Variants in SNAP25 observed in about 807,000 individuals in gnomAD.
SNAP25 encodes synaptosome associated protein 25.
Under a neutral mutation model 28.7 loss-of-function variants are expected in SNAP25, and 3 were observed. That is an observed-to-expected ratio of 0.10 (90% confidence interval 0.05 to 0.27). The LOEUF is 0.27. SNAP25 is among the 10% of genes least tolerant of loss of function. The pLI, the probability that SNAP25 is intolerant of heterozygous loss-of-function variation, is 1.00. For synonymous variants in SNAP25, 61 were observed against 88.1 expected (o/e 0.69, Z 1.72); for missense variants, 117 against 278.7 (o/e 0.42, Z 4.13).
At chr20:10,264,082 CAG>C (rs1311259163) in intron 1 of SNAP25, among the ~76,000 whole-genome samples, 1 of 152,104 alleles carries the variant, frequency 6.6e-6, no homozygotes, top group Non-Finnish European at 1.5e-5. Context: ...TAGGCATAAT[CAG>C]TGTTGGTTGT....
intron 5 of SNAP25, chr20:10,296,530 T>G (rs573240775): frequency 4.7e-6 from 1 of 214,426 alleles, no homozygotes; most frequent in South Asian, 6.6e-5. Flanking sequence ...ACACTCTACT[T>G]GGCAGTCTTG....
intron 3 of SNAP25, among the ~76,000 whole-genome samples, chr20:10,278,841 G>A (rs1056762089): frequency 6.1e-5 from 9 of 147,922 alleles, no homozygotes; most frequent in Non-Finnish European, 1.3e-4. Context: ...CTAGGAATGA[G>A]ATATGGCTAA....
intron 1 of SNAP25, among the ~76,000 whole-genome samples, chr20:10,232,959 A>T (rs916375571): frequency 6.6e-6 from 1 of 152,176 alleles, no homozygotes; most frequent in African/African-American, 2.4e-5. Flanking sequence ...ATAAAAATAA[A>T]CTTAACCTTG....
At chr20:10,255,584 T>G (rs1404422073) in intron 1 of SNAP25, among the ~76,000 whole-genome samples, 2 of 152,178 alleles carry the variant, frequency 1.3e-5, no homozygotes, top group African/African-American at 2.4e-5. Flanking sequence ...AGAAAGCTAA[T>G]AAAGAGTACA....
chr20:10,251,769 T>G (rs934488160), intron 1 of SNAP25, among the ~76,000 whole-genome samples: 1 of 152,174 alleles, frequency 6.6e-6, no homozygotes, highest in African/African-American at 2.4e-5. Context: ...AGGTTCTAGG[T>G]AAATGAACTA....
Position 10,299,421 on chromosome 20 carries a change from G to C in SNAP25, c.552+9G>C. 5.0e-6 allele frequency: 8 copies of C among 1,610,562 alleles called. No homozygotes were observed. Among genetic ancestry groups the C allele is most frequent in the Non-Finnish European group, 5.9e-6 (7 of 1,177,536 alleles). ...ACAGGATCATGGAGAAGGTGAGCACGTGGCAGTCAGCAAGTCCCTACTGCG... is the reference window on the plus strand; with the variant it reads ...ACAGGATCATGGAGAAGGTGAGCACCTGGCAGTCAGCAAGTCCCTACTGCG... On this transcript the variant is annotated intron_variant, in intron 7 of 7. Coordinates refer to ENST00000254976, the MANE Select transcript of SNAP25 (RefSeq NM_130811.4).
chr20:10,251,859 C>G (rs2063235045), intron 1 of SNAP25, among the ~76,000 whole-genome samples: 1 of 152,154 alleles, frequency 6.6e-6, no homozygotes, highest in Admixed American at 6.5e-5. Flanking sequence ...ATTTGTGCAG[C>G]TACAGAAAAG....
chr20:10,224,066 T>A (rs937607698), intron 1 of SNAP25, among the ~76,000 whole-genome samples: 2 of 152,104 alleles, frequency 1.3e-5, no homozygotes, highest in Non-Finnish European at 2.9e-5. Flanking sequence ...CAGATTACTA[T>A]TATTATTTCC....
At chr20:10,274,024 C>G (rs1054349748) in intron 1 of SNAP25, among the ~76,000 whole-genome samples, 1 of 152,084 alleles carries the variant, frequency 6.6e-6, no homozygotes, top group African/African-American at 2.4e-5. Flanking sequence ...TTGCTTGCAT[C>G]TCCCCAATTA....
chr20:10,233,627 C>A (rs982005791), intron 1 of SNAP25, among the ~76,000 whole-genome samples: 1 of 152,144 alleles, frequency 6.6e-6, no homozygotes, highest in Non-Finnish European at 1.5e-5. Context: ...CATACAGACC[C>A]GAGAACTAGA....
At chr20:10,244,709 TTTTG>T (rs2063095707) in intron 1 of SNAP25, among the ~76,000 whole-genome samples, 1 of 151,864 alleles carries the variant, frequency 6.6e-6, no homozygotes, top group Non-Finnish European at 1.5e-5. Context: ...GCTAAATCTT[TTTTG>T]TTTCTTTCTT....
chr20:10,238,373 A>G (rs1054289233), intron 1 of SNAP25, among the ~76,000 whole-genome samples: 28 of 152,300 alleles, frequency 1.8e-4, no homozygotes, highest in African/African-American at 6.3e-4. Flanking sequence ...TAATATTTTA[A>G]AACTAAGATA....
intron 1 of SNAP25, among the ~76,000 whole-genome samples, chr20:10,253,639 C>A (rs189168509): frequency 1.8e-4 from 27 of 152,096 alleles, no homozygotes; most frequent in Non-Finnish European, 3.5e-4. Context: ...ATTCAGCAAG[C>A]CTGAGGAGTG....
At chr20:10,267,997 A>G (rs2063533220) in intron 1 of SNAP25, among the ~76,000 whole-genome samples, 1 of 152,228 alleles carries the variant, frequency 6.6e-6, no homozygotes, top group South Asian at 2.1e-4. Context: ...AGCCTGTTTC[A>G]TAATCTCAAA....
At chr20:10,242,783 C>T (rs1311387685) in intron 1 of SNAP25, among the ~76,000 whole-genome samples, 1 of 152,128 alleles carries the variant, frequency 6.6e-6, no homozygotes, top group East Asian at 1.9e-4. Context: ...ATCCAGCTTC[C>T]CAGGAATAAG....
At chr20:10,282,131 A>G (rs1440250344) in intron 3 of SNAP25, among the ~76,000 whole-genome samples, 1 of 147,102 alleles carries the variant, frequency 6.8e-6, no homozygotes, top group Non-Finnish European at 1.5e-5. Context: ...CTCAATAAAC[A>G]CTAGGAAGGA....
intron 1 of SNAP25, among the ~76,000 whole-genome samples, chr20:10,264,427 C>G (rs1434463970): frequency 6.6e-6 from 1 of 152,164 alleles, no homozygotes; most frequent in African/African-American, 2.4e-5. Flanking sequence ...TTCTCAGAGA[C>G]ACTGTGGGAG....
At chr20:10,269,647 CAG>C (rs1417268226) in intron 1 of SNAP25, among the ~76,000 whole-genome samples, 1 of 152,150 alleles carries the variant, frequency 6.6e-6, no homozygotes, top group African/African-American at 2.4e-5. Context: ...TAACTATTTT[CAG>C]CTTTTGGGGG....
chr20:10,248,142 T>C (rs1486771470), intron 1 of SNAP25, among the ~76,000 whole-genome samples: 1 of 152,138 alleles, frequency 6.6e-6, no homozygotes, highest in African/African-American at 2.4e-5. Context: ...AAAAAGTTGT[T>C]CTCCCCAGCT....
Sources: gnomAD v4.1 joint callset for allele counts (sites outside exome capture counted in the v4.1 genomes callset) on GRCh38, gnomAD v4.1.1 for gene constraint, MANE v1.5 for transcripts, NCBI Gene and HGNC (gene_info 2026-07-23, HGNC 2026-07-21) for gene names.